Variants in ATP2B2 observed in about 807,000 individuals in gnomAD.
ATP2B2 encodes the protein ATPase plasma membrane Ca2+ transporting 2.
A neutral mutation model predicts 120.0 loss-of-function variants in ATP2B2; 15 were observed. That is an observed-to-expected ratio of 0.12 (90% CI 0.08 to 0.19). The LOEUF (loss-of-function observed/expected upper bound fraction) is 0.19, where lower values mean the gene tolerates loss of function less well. Ranked by LOEUF, ATP2B2 falls within the 10% of genes least tolerant of loss-of-function variation. The pLI, the probability that ATP2B2 is intolerant of heterozygous loss-of-function variation, is 1.00. For synonymous variants in ATP2B2, 694 were observed against 700.3 expected (o/e 0.99, Z 0.14); for missense variants, 1,045 against 1,719.8 (o/e 0.61, Z 6.94).
chr3:10,424,933 T>C (rs937097333), intron 2 of ATP2B2, among the ~76,000 whole-genome samples: 1 of 152,138 alleles, frequency 6.6e-6, no homozygotes, highest in African/African-American at 2.4e-5. Flanking sequence ...GTGGTATCTC[T>C]GGGGAAGGGA....
intron 5 of ATP2B2, among the ~76,000 whole-genome samples, chr3:10,389,433 A>G (rs2124883045): frequency 6.6e-6 from 1 of 152,322 alleles, no homozygotes; most frequent in East Asian, 1.9e-4. Context: ...AGAGAAAGAA[A>G]CTTGAACACA....
intron 8 of ATP2B2, among the ~76,000 whole-genome samples, chr3:10,384,111 G>A (rs544209764): frequency 8.5e-5 from 13 of 152,324 alleles, no homozygotes; most frequent in Middle Eastern, 3.4e-3. Context: ...GGCACTGCTC[G>A]CAGAAGTGCC....
intron 15 of ATP2B2, 25 bp from the exon 16 acceptor site, chr3:10,350,224 G>A (rs781069590): frequency 7.0e-6 from 11 of 1,570,340 alleles, no homozygotes; most frequent in Middle Eastern, 3.4e-4. Flanking sequence ...GGAAGGGGGC[G>A]GGTCGGTGGG....
At chr3:10,652,837 G>A (rs747042021) in intron 1 of ATP2B2, among the ~76,000 whole-genome samples, 3 of 152,172 alleles carry the variant, frequency 2.0e-5, no homozygotes, top group Non-Finnish European at 2.9e-5. Flanking sequence ...GAAATAAGCC[G>A]GTCGCAAGAG....
intron 2 of ATP2B2, among the ~76,000 whole-genome samples, chr3:10,534,861 C>A (rs1048235187): frequency 5.6e-5 from 8 of 143,376 alleles, no homozygotes; most frequent in Non-Finnish European, 1.1e-4. Context: ...CAGCTTCCTT[C>A]TCTCTCTCTC....
intron 1 of ATP2B2, among the ~76,000 whole-genome samples, chr3:10,457,557 C>CGT (rs751958093): frequency 6.0e-5 from 3 of 49,856 alleles, no homozygotes; most frequent in East Asian, 3.6e-4. Flanking sequence ...CATGAGTGTG[C>CGT]GTGTGTGTGT....
At chr3:10,533,603 G>A (rs1042307132) in intron 3 of ATP2B2, among the ~76,000 whole-genome samples, 6 of 152,190 alleles carry the variant, frequency 3.9e-5, no homozygotes, top group Admixed American at 2.6e-4. Context: ...CAGCTCCAAC[G>A]CTTCATGTGC....
At chr3:10,338,564 A>T (rs141043007) in intron 21 of ATP2B2, among the ~76,000 whole-genome samples, 1,463 of 108,544 alleles carry the variant, frequency 0.013, 24 homozygotes, top group African/African-American at 0.051. Context: ...ATGGAGTTTC[A>T]CTCTTGTTGC....
chr3:10,683,166 T>G (rs975499465), intron 1 of ATP2B2, among the ~76,000 whole-genome samples: 3 of 151,590 alleles, frequency 2.0e-5, no homozygotes, highest in Non-Finnish European at 4.4e-5. Flanking sequence ...AAAAAAAATT[T>G]TTTTTTTTAT....
At chr3:10,411,431 C>T (rs376862923) in intron 2 of ATP2B2, among the ~76,000 whole-genome samples, 80 of 152,164 alleles carry the variant, frequency 5.3e-4, no homozygotes, top group Non-Finnish European at 9.8e-4. Context: ...CCATGGGAAG[C>T]GAATCCACAC....
chr3:10,364,200 G>C (rs964521592), intron 12 of ATP2B2, among the ~76,000 whole-genome samples: 1 of 152,150 alleles, frequency 6.6e-6, no homozygotes, highest in Non-Finnish European at 1.5e-5. Flanking sequence ...ACAGAAAGGA[G>C]AATGGTGGGT....
intron 2 of ATP2B2, among the ~76,000 whole-genome samples, chr3:10,541,863 G>A (rs556226663): frequency 6.6e-6 from 1 of 152,218 alleles, no homozygotes; most frequent in South Asian, 2.1e-4. Flanking sequence ...GGAGATGAGT[G>A]TTGAAGTCTC....
At chr3:10,541,769 T>TG (rs1487149132) in intron 2 of ATP2B2, among the ~76,000 whole-genome samples, 1 of 152,206 alleles carries the variant, frequency 6.6e-6, no homozygotes, top group Non-Finnish European at 1.5e-5. Flanking sequence ...CTATATGTGT[T>TG]GATTAGATTT....
chr3:10,602,661 C>A (rs1316615335), intron 2 of ATP2B2, among the ~76,000 whole-genome samples: 1 of 152,174 alleles, frequency 6.6e-6, no homozygotes, highest in East Asian at 1.9e-4. Context: ...TAAAAAGTTT[C>A]TTTTAAAGAG....
At chr3:10,565,999 C>T (rs2068001344) in intron 2 of ATP2B2, among the ~76,000 whole-genome samples, 1 of 152,164 alleles carries the variant, frequency 6.6e-6, no homozygotes, top group African/African-American at 2.4e-5. Flanking sequence ...TCCACCCACC[C>T]ATGTATCTGT....
chr3:10,559,687 G>A (rs1416550701), intron 2 of ATP2B2, among the ~76,000 whole-genome samples: 1 of 152,184 alleles, frequency 6.6e-6, no homozygotes, highest in Non-Finnish European at 1.5e-5. Context: ...TCTCTGAGAA[G>A]CTCTGGGAGT....
At chr3:10,447,297 G>T (rs2063869991) in intron 2 of ATP2B2, among the ~76,000 whole-genome samples, 1 of 152,232 alleles carries the variant, frequency 6.6e-6, no homozygotes, top group Non-Finnish European at 1.5e-5. Flanking sequence ...ACTCCCTCTA[G>T]CAGTACAGAG....
chr3:10,345,843 A>G (rs2060415564), intron 17 of ATP2B2, among the ~76,000 whole-genome samples, 188 bp downstream of exon 17: 1 of 152,056 alleles, frequency 6.6e-6, no homozygotes, highest in Non-Finnish European at 1.5e-5. Flanking sequence ...GCTCCCCCAG[A>G]GCAAGAAGCA....
intron 1 of ATP2B2, among the ~76,000 whole-genome samples, chr3:10,689,062 G>GA (rs2071593512): frequency 1.3e-5 from 2 of 152,312 alleles, no homozygotes; most frequent in South Asian, 4.1e-4. Flanking sequence ...AAGGATATCA[G>GA]ATTTGAAGAG....
Sources: gnomAD v4.1 joint callset for allele counts (sites outside exome capture counted in the v4.1 genomes callset) on GRCh38, gnomAD v4.1.1 for gene constraint, MANE v1.5 for transcripts, NCBI Gene and HGNC (gene_info 2026-07-23, HGNC 2026-07-21) for gene names.